AKAP6: variants seen among roughly 807,000 people sequenced by gnomAD.
AKAP6 encodes A-kinase anchor protein 6.
Under a neutral mutation model 188.5 loss-of-function variants are expected in AKAP6, and 58 were observed. The observed-to-expected ratio is 0.31, with a 90% CI of 0.25 to 0.38. The LOEUF (loss-of-function observed/expected upper bound fraction) is 0.38. Ranked by LOEUF, AKAP6 falls within the 10% of genes least tolerant of loss-of-function variation. The probability of loss-of-function intolerance (pLI) is 1.00; values close to 1 mark genes in which losing one functional copy is unlikely to be tolerated. For missense variants in AKAP6, 2,710 were observed against 2,740.0 expected (o/e 0.99, Z 0.24); for synonymous variants, 989 against 998.6 (o/e 0.99, Z 0.18).
At chr14:32,496,843 G>A (rs551044059) in intron 2 of AKAP6, among the ~76,000 whole-genome samples, 6 of 152,216 alleles carry the variant, frequency 3.9e-5, no homozygotes, top group African/African-American at 9.6e-5. Context: ...AACAGTAGTC[G>A]TATGAACCAA....
chr14:32,360,273 G>A (rs1887615129), intron 1 of AKAP6, among the ~76,000 whole-genome samples: 1 of 151,894 alleles, frequency 6.6e-6, no homozygotes. Context: ...GATTGCAGGT[G>A]CCTGCAACCA....
At chr14:32,437,118 C>G (rs2138720165) in intron 2 of AKAP6, among the ~76,000 whole-genome samples, 1 of 152,286 alleles carries the variant, frequency 6.6e-6, no homozygotes, top group Admixed American at 6.5e-5. Context: ...TGGGTTTGTT[C>G]TTGTCTGACA....
chr14:32,569,865 A>AGAT (rs1313693451), intron 4 of AKAP6, among the ~76,000 whole-genome samples: 1 of 152,140 alleles, frequency 6.6e-6, no homozygotes, highest in Non-Finnish European at 1.5e-5. Flanking sequence ...GCTGATGTAA[A>AGAT]GATAGGCTCC....
At chr14:32,423,235 T>A (rs1426158824) in intron 1 of AKAP6, among the ~76,000 whole-genome samples, 2 of 152,126 alleles carry the variant, frequency 1.3e-5, no homozygotes, top group Non-Finnish European at 2.9e-5. Flanking sequence ...AGTGGTGAGA[T>A]CACAGTTCAC....
chr14:32,496,588 G>A (rs775696202), intron 2 of AKAP6, among the ~76,000 whole-genome samples: 2 of 151,426 alleles, frequency 1.3e-5, no homozygotes, highest in Non-Finnish European at 2.9e-5. Context: ...AAAAAAAAAA[G>A]TTGAAAAGAA....
chr14:32,623,717 T>A (rs896186092), intron 7 of AKAP6, among the ~76,000 whole-genome samples: 1 of 152,084 alleles, frequency 6.6e-6, no homozygotes, highest in Admixed American at 6.6e-5. Context: ...GAGAAGGAAA[T>A]TTTTCTAGGT....
chr14:32,703,779 A>G (rs1245031269), intron 9 of AKAP6, among the ~76,000 whole-genome samples: 1 of 152,196 alleles, frequency 6.6e-6, no homozygotes, highest in African/African-American at 2.4e-5. Context: ...ATGCTCCTAT[A>G]TTTACTATCT....
rs192873484 is a variant in AKAP6, at chr14:32,671,627, C to G, written c.2731-6684C>G. ...GGGGGGTGATCATCTTTGTGTAGGT[C>G]AGGGAAGTCTGGTACCAAAATGCAA... On this transcript the variant is annotated intron_variant, in intron 7 of 13. Transcript: ENST00000280979. Among the ~76,000 whole-genome samples the G allele has an allele frequency of 5.7e-4, 86 of 151,640 alleles. 1 individual carries two copies. The highest frequency in any genetic ancestry group is 9.3e-4 in the Non-Finnish European group (63 of 67,940).
At chr14:32,825,089 C>T (rs1362959460) in intron 13 of AKAP6, among the ~76,000 whole-genome samples, 1 of 152,068 alleles carries the variant, frequency 6.6e-6, no homozygotes, top group East Asian at 1.9e-4. Flanking sequence ...CAATTTAAGG[C>T]CTCAAATTCT....
At chr14:32,417,932 G>A (rs1889715663) in intron 1 of AKAP6, 1 of 152,028 alleles carries the variant, frequency 6.6e-6, no homozygotes, top group Non-Finnish European at 1.5e-5. Flanking sequence ...TTCTTGTTTA[G>A]GAAACTCAGT....
At chr14:32,426,276 G>T (rs1261968965) in intron 1 of AKAP6, among the ~76,000 whole-genome samples, 1 of 152,120 alleles carries the variant, frequency 6.6e-6, no homozygotes. Context: ...GTAGGTGTGA[G>T]TATGTGTTTG....
At chr14:32,348,090 G>C (rs560730781) in intron 1 of AKAP6, among the ~76,000 whole-genome samples, 9 of 152,336 alleles carry the variant, frequency 5.9e-5, no homozygotes, top group African/African-American at 2.2e-4. Flanking sequence ...GAAGTGCTGG[G>C]CAGGTCAAGA....
At chr14:32,596,911 T>C (rs188083142) in intron 5 of AKAP6, among the ~76,000 whole-genome samples, 2 of 152,338 alleles carry the variant, frequency 1.3e-5, no homozygotes, top group East Asian at 3.9e-4. Context: ...TGTTAATGTG[T>C]CTGCTCGTCT....
chr14:32,787,231 A>G (rs183667410), intron 12 of AKAP6, among the ~76,000 whole-genome samples: 8 of 152,218 alleles, frequency 5.3e-5, no homozygotes, highest in Admixed American at 1.3e-4. Flanking sequence ...AAGGGGGGGA[A>G]CCCCACACTT....
At chr14:32,586,007 A>G (rs1049077240) in intron 5 of AKAP6, among the ~76,000 whole-genome samples, 2 of 152,166 alleles carry the variant, frequency 1.3e-5, no homozygotes, top group Non-Finnish European at 2.9e-5. Context: ...TTGTTTTAAA[A>G]CAGGAGAACG....
chr14:32,694,953 A>C (rs554406814), intron 8 of AKAP6, among the ~76,000 whole-genome samples: 1 of 152,294 alleles, frequency 6.6e-6, no homozygotes, highest in South Asian at 2.1e-4. Context: ...ACAAGACTGT[A>C]GGATTTCTTT....
chr14:32,746,795 A>G (rs139848310), intron 11 of AKAP6, among the ~76,000 whole-genome samples: 483 of 152,304 alleles, frequency 3.2e-3, no homozygotes, highest in African/African-American at 0.011. Flanking sequence ...CCCTAGGTCA[A>G]AGATCTGTTA....
At chr14:32,518,226 C>T (rs903876767) in intron 2 of AKAP6, among the ~76,000 whole-genome samples, 2 of 152,154 alleles carry the variant, frequency 1.3e-5, no homozygotes, top group Non-Finnish European at 2.9e-5. Flanking sequence ...GTAGACAAAA[C>T]CACAAAGATA....
chr14:32,678,284 G>A, intron 7 of AKAP6, 27 bp from the exon 8 acceptor site: 1 of 1,595,212 alleles, frequency 6.3e-7, no homozygotes, highest in Non-Finnish European at 8.6e-7. Context: ...GATTAAAACA[G>A]CAATTTCTCT....
Sources: allele counts gnomAD v4.1 joint callset (sites outside exome capture counted in the v4.1 genomes callset), GRCh38; gene constraint gnomAD v4.1.1; transcripts MANE v1.5; gene names NCBI Gene and HGNC (gene_info 2026-07-23, HGNC 2026-07-21).